Variants in TAF3 observed in about 807,000 individuals in gnomAD.
TAF3 encodes TATA-box binding protein associated factor 3.
In TAF3, 7 loss-of-function variants were observed where a neutral mutation model predicts 80.6. The ratio of observed to expected loss-of-function variants is 0.09; its 90% CI spans 0.05 to 0.16. TAF3 has a LOEUF of 0.16. TAF3 is among the 10% of genes least tolerant of loss of function. The pLI, the probability that TAF3 is intolerant of heterozygous loss-of-function variation, is 1.00. For missense variants in TAF3, 921 were observed against 1,140.2 expected, an observed-to-expected ratio of 0.81 and a Z score of 2.77; for synonymous variants, 444 against 446.1, an observed-to-expected ratio of 1.00 and a Z score of 0.06.
At chr10:7,968,815 T>A (rs1352597895) in intron 3 of TAF3, among the ~76,000 whole-genome samples, 1 of 152,172 alleles carries the variant, frequency 6.6e-6, no homozygotes, top group Non-Finnish European at 1.5e-5. Context: ...TATATTATGT[T>A]AAAATGGGAT....
intron 2 of TAF3, among the ~76,000 whole-genome samples, chr10:7,854,664 CG>C (rs973757829): frequency 5.4e-4 from 21 of 38,914 alleles, no homozygotes; most frequent in African/African-American, 2.0e-3. Flanking sequence ...AATGGGGGGG[CG>C]GGGGGAGGGG....
intron 2 of TAF3, among the ~76,000 whole-genome samples, chr10:7,915,448 T>G (rs1837701943): frequency 7.1e-6 from 1 of 141,356 alleles, no homozygotes; most frequent in African/African-American, 2.6e-5. Context: ...ATCGAGACCA[T>G]CCTGGCTAAC....
chr10:8,010,809 C>T (rs1832046773), intron 5 of TAF3, among the ~76,000 whole-genome samples: 1 of 152,092 alleles, frequency 6.6e-6, no homozygotes, highest in Admixed American at 6.5e-5. Flanking sequence ...ACTCGGGAGG[C>T]TCAGGCACAA....
Position 7,818,582 on chromosome 10 carries a change from C to T in TAF3, c.-128C>T. 1.9e-6 allele frequency: 2 copies of T among 1,072,826 alleles called. No individual in the cohort carries two copies. The highest frequency in any genetic ancestry group is 3.5e-5 in the South Asian group (2 of 56,854). The allele number at this position is 1,072,826 out of a possible 1,614,324, so 66.5% of individuals were successfully genotyped here. On this transcript the variant is annotated 5_prime_UTR_variant, in exon 1 of 7. Transcript: ENST00000344293. ...TGCTGCTGGGGCTTTGAGGTGGTCG[C>T]CGGGGGTCCGGGGGACCCTTTCCCC...
chr10:7,963,376 A>G (rs1484078274), intron 2 of TAF3, among the ~76,000 whole-genome samples: 5 of 152,212 alleles, frequency 3.3e-5, no homozygotes, highest in Non-Finnish European at 7.3e-5. Context: ...CCAACTGGAA[A>G]TACCGAGCAA....
chr10:7,866,506 G>A (rs935945235), intron 2 of TAF3, among the ~76,000 whole-genome samples: 3 of 152,132 alleles, frequency 2.0e-5, no homozygotes, highest in East Asian at 3.9e-4. Context: ...AAGAGTGAGC[G>A]CAAAACCTCT....
intron 4 of TAF3, among the ~76,000 whole-genome samples, chr10:8,007,810 C>T (rs1167892834): frequency 6.6e-6 from 1 of 151,570 alleles, no homozygotes; most frequent in Non-Finnish European, 1.5e-5. Flanking sequence ...CCTAGTATAA[C>T]CTCTAACTTC....
At chr10:7,895,859 A>G (rs1182346596) in intron 2 of TAF3, among the ~76,000 whole-genome samples, 4 of 152,220 alleles carry the variant, frequency 2.6e-5, no homozygotes, top group Non-Finnish European at 5.9e-5. Context: ...GCATTCACCA[A>G]TGTCAGGGCT....
At chr10:7,833,048 A>T (rs1836817793) in intron 2 of TAF3, among the ~76,000 whole-genome samples, 1 of 152,190 alleles carries the variant, frequency 6.6e-6, no homozygotes, top group African/African-American at 2.4e-5. Context: ...TGGTGCTATT[A>T]AAGGCTGAAT....
At chr10:7,989,090 ATG>A (rs1217768468) in intron 4 of TAF3, among the ~76,000 whole-genome samples, 6 of 152,270 alleles carry the variant, frequency 3.9e-5, no homozygotes, top group Non-Finnish European at 8.8e-5. Context: ...AATTCAAAGC[ATG>A]TGATCTACCA....
At chr10:7,987,510 A>G (rs1197557599) in intron 4 of TAF3, among the ~76,000 whole-genome samples, 2 of 152,210 alleles carry the variant, frequency 1.3e-5, no homozygotes, top group African/African-American at 4.8e-5. Context: ...TGCTATAACA[A>G]ATAAAGAAAC....
At chr10:7,976,057 T>A (rs1467640641) in intron 3 of TAF3, among the ~76,000 whole-genome samples, 1 of 152,180 alleles carries the variant, frequency 6.6e-6, no homozygotes, top group Non-Finnish European at 1.5e-5. Flanking sequence ...AGCTTGTTAA[T>A]TCAAAATGTT....
At chr10:7,960,371 C>G (rs894970529) in intron 2 of TAF3, among the ~76,000 whole-genome samples, 1 of 152,058 alleles carries the variant, frequency 6.6e-6, no homozygotes, top group African/African-American at 2.4e-5. Flanking sequence ...GGTCAGCAAA[C>G]GTTTTTTTGT....
intron 2 of TAF3, among the ~76,000 whole-genome samples, chr10:7,948,976 C>G (rs570634974): frequency 7.5e-4 from 114 of 152,314 alleles, no homozygotes; most frequent in South Asian, 1.5e-3. Context: ...GAGGGACTGA[C>G]GCGCAGAGGT....
intron 2 of TAF3, among the ~76,000 whole-genome samples, chr10:7,839,774 A>G (rs1174915991): frequency 6.6e-6 from 1 of 152,094 alleles, no homozygotes; most frequent in East Asian, 1.9e-4. Flanking sequence ...ATCCTCAGGA[A>G]TGATTTTTTA....
At position 8,014,907 on chromosome 10, in the gene TAF3, G is replaced by A. The variant is rs891329200; in HGVS notation, c.*156G>A. On this transcript the variant is annotated 3_prime_UTR_variant, in exon 7 of 7. Transcript: ENST00000344293. The stretch of plus-strand genomic sequence containing the variant: ...GAGGCTGGAACACACCGCGCACCTG[G>A]ATTGTTCACTCCCGAGCCGCCTTGG... The A allele has an allele frequency of 5.4e-5, 34 of 626,838 alleles. No homozygotes were observed. Among genetic ancestry groups the A allele is most frequent in the Non-Finnish European group, 8.9e-5 (33 of 371,342 alleles). The allele number at this position is 626,838 out of a possible 1,614,324, so 38.8% of individuals were successfully genotyped here.
intron 2 of TAF3, among the ~76,000 whole-genome samples, chr10:7,897,617 G>T (rs1048392908): frequency 2.0e-5 from 3 of 150,008 alleles, no homozygotes; most frequent in Admixed American, 1.3e-4. Context: ...TTTTATTTTC[G>T]CATAACTTCC....
intron 6 of TAF3, 46 bp from the exon 7 acceptor site, chr10:8,014,591 G>T: frequency 6.6e-7 from 1 of 1,504,650 alleles, no homozygotes. Flanking sequence ...GAGAAGAATA[G>T]ATGTCTGTAT....
intron 2 of TAF3, among the ~76,000 whole-genome samples, chr10:7,832,869 G>A (rs918830284): frequency 1.5e-4 from 23 of 152,246 alleles, no homozygotes; most frequent in African/African-American, 5.5e-4. Context: ...TCATTTCTTT[G>A]TGCTACAGAT....
Sources: gnomAD v4.1 joint callset for allele counts (sites outside exome capture counted in the v4.1 genomes callset) on GRCh38, gnomAD v4.1.1 for gene constraint, MANE v1.5 for transcripts, NCBI Gene and HGNC (gene_info 2026-07-23, HGNC 2026-07-21) for gene names.